Variants in SSMEM1 observed in about 807,000 individuals in gnomAD.
SSMEM1 encodes the protein serine-rich single-pass membrane protein 1.
A neutral mutation model predicts 9.9 loss-of-function variants in SSMEM1; 12 were observed. The ratio of observed to expected loss-of-function variants is 1.21; its 90% CI spans 0.78 to 1.96. The LOEUF is 1.96. Ranked by LOEUF, SSMEM1 falls within the 30% of genes most tolerant of loss-of-function variation. The pLI, the probability that SSMEM1 is intolerant of heterozygous loss-of-function variation, is 0.00. For missense variants in SSMEM1, 259 were observed against 292.2 expected, an observed-to-expected ratio of 0.89 and a Z score of 0.83; for synonymous variants, 96 against 98.9, an observed-to-expected ratio of 0.97 and a Z score of 0.17.
In SSMEM1 at chr7:130,216,698, T is replaced by C. The variant is rs142086873; in HGVS notation, c.*228T>C. On this transcript the variant is annotated 3_prime_UTR_variant, in exon 3 of 3. Coordinates refer to ENST00000297819, the MANE Select transcript of SSMEM1 (RefSeq NM_145268.4). ...TGGAACACCAAAGATCTATATCTGCTATGATTTTTTTATTTGAAATAGCAC... is the reference window on the plus strand; with the variant it reads ...TGGAACACCAAAGATCTATATCTGCCATGATTTTTTTATTTGAAATAGCAC... 1.5e-5 allele frequency: 8 copies of C among 537,470 alleles called. No homozygotes were observed. The East Asian group carries it at 1.9e-4, about 13-fold the overall frequency. 33.3% of individuals were successfully genotyped at this position (537,470 alleles called of 1,614,324 possible).
At chr7:130,207,195 G>A (rs929039659), upstream of SSMEM1, among the ~76,000 whole-genome samples, 1 of 152,086 alleles carries the variant, frequency 6.6e-6, no homozygotes, top group Non-Finnish European at 1.5e-5. Flanking sequence ...TATGTATTAG[G>A]GCTGCCATAA....
chr7:130,215,424 A>G (rs1279485892), intron 2 of SSMEM1, among the ~76,000 whole-genome samples: 2 of 152,224 alleles, frequency 1.3e-5, no homozygotes, highest in Non-Finnish European at 2.9e-5. Context: ...TTAGGAAGTG[A>G]TGGGTTTTGA....
In SSMEM1 at chr7:130,216,401, G is replaced by A. The variant is rs552903592; in HGVS notation, c.666G>A (p.Pro222=). Residue 222 remains proline (P), a synonymous_variant, in exon 3 of 3, where the codon CCG becomes CCA. Coordinates refer to ENST00000297819, the MANE Select transcript of SSMEM1 (RefSeq NM_145268.4). ...HHSRQKPSVT[P]PMKRDSQEES... is the part of the protein sequence containing the mutation. ...CCCGACAGAAGCCTTCAGTAACACCGCCAATGAAAAGAGACAGTCAAGAGG... is the reference window on the plus strand; with the variant it reads ...CCCGACAGAAGCCTTCAGTAACACCACCAATGAAAAGAGACAGTCAAGAGG... The A allele has an allele frequency of 1.1e-5, 17 of 1,614,134 alleles. No homozygotes were observed. Among genetic ancestry groups the A allele is most frequent in the African/African-American group, 5.3e-5 (4 of 75,036 alleles).
At chr7:130,213,253 C>CA (rs1440099665) in intron 1 of SSMEM1, among the ~76,000 whole-genome samples, 1 of 152,024 alleles carries the variant, frequency 6.6e-6, no homozygotes, top group East Asian at 1.9e-4. Context: ...GAGGCCGAGG[C>CA]AGGAGAATCA....
At chr7:130,215,279 G>A (rs1798682686) in intron 2 of SSMEM1, among the ~76,000 whole-genome samples, 1 of 152,072 alleles carries the variant, frequency 6.6e-6, no homozygotes, top group South Asian at 2.1e-4. Context: ...ACTCTAGCCT[G>A]GGCAACAGAG....
rs546520948 is a variant in SSMEM1 at position 130,211,467 on chromosome 7, G to T, written c.184-2013G>T. Among the ~76,000 whole-genome samples the T allele has an allele frequency of 3.4e-3, 518 of 152,184 alleles. 2 individuals are homozygous for T. Among genetic ancestry groups the T allele is most frequent in the Middle Eastern group, 0.01 (3 of 294 alleles). On this transcript the variant is annotated intron_variant, in intron 1 of 2. Coordinates refer to ENST00000297819, the MANE Select transcript of SSMEM1 (RefSeq NM_145268.4). Reference sequence around the variant, plus strand: ...AGCCACCGTGTCTGGCCAGAAAGTGGTATCTTAAAAGTGAACTCCGCTTTC... The same window carrying T: ...AGCCACCGTGTCTGGCCAGAAAGTGTTATCTTAAAAGTGAACTCCGCTTTC...
rs1408358468 is a variant in SSMEM1 at position 130,216,447 on chromosome 7, A to G, written c.712A>G (p.Asn238Asp). 6.2e-7 allele frequency: 1 copy of G among 1,609,288 alleles called. No individual in the cohort carries two copies. The highest frequency in any genetic ancestry group is 1.1e-5 in the South Asian group (1 of 90,830). Residue 238 changes from asparagine (N) to aspartate (D), a missense_variant, in exon 3 of 3, where the codon AAC (asparagine) becomes GAC (aspartate). Asn to Asp is a conservative substitution (Grantham distance 23, BLOSUM62 1). Transcript: ENST00000297819. ...AGAGGAAAGTTCCATATCTGACATT[A>G]ACAAGAAATTTAGTAAATTTTGAAT... ...SQEESSISDI[N>D]KKFSKF
chr7:130,214,494 A>G (rs998696359), intron 2 of SSMEM1, among the ~76,000 whole-genome samples: 2 of 152,186 alleles, frequency 1.3e-5, no homozygotes, highest in African/African-American at 4.8e-5. Context: ...AATACTCCTT[A>G]TGGCCAATTT....
chr7:130,213,833 A>T (rs994743613), intron 2 of SSMEM1, among the ~76,000 whole-genome samples: 1 of 152,216 alleles, frequency 6.6e-6, no homozygotes, highest in Non-Finnish European at 1.5e-5. Context: ...GACTTTGCAC[A>T]CTAGAGGAGG....
chr7:130,208,799 T>C (rs1562905265), intron 1 of SSMEM1, among the ~76,000 whole-genome samples: 1 of 152,110 alleles, frequency 6.6e-6, no homozygotes, highest in Non-Finnish European at 1.5e-5. Context: ...TGCCATCGTC[T>C]TAAGAATGAG....
upstream of SSMEM1, among the ~76,000 whole-genome samples, chr7:130,205,872 C>G (rs1286632783): frequency 6.6e-6 from 1 of 151,908 alleles, no homozygotes; most frequent in Non-Finnish European, 1.5e-5. Context: ...GACAGGGTTT[C>G]GCCATGTTGG....
chr7:130,206,928 G>T (rs758702926), upstream of SSMEM1: 4 of 207,990 alleles, frequency 1.9e-5, no homozygotes, highest in Non-Finnish European at 4.1e-5. Context: ...CGAGGTTGCG[G>T]TGAGCCAAGA....
In SSMEM1 at chr7:130,216,336, T is replaced by C. The variant is rs1798707671; in HGVS notation, c.601T>C (p.Cys201Arg). 1.2e-6 allele frequency: 2 copies of C among 1,614,192 alleles called. No homozygotes were observed. The highest frequency in any genetic ancestry group is 1.1e-5 in the South Asian group (1 of 91,088). ...AATGAGCGAAAGGCACTGCCTCCAC[T>C]GCAAAGCCTTGAGAACCAACGAATG... is the stretch of plus-strand genomic sequence containing the variant. Reference protein sequence around the residue: ...YQMSERHCLHCKALRTNEWLA... With the variant: ...YQMSERHCLHRKALRTNEWLA... The change falls in exon 3 of 3, where the codon TGC becomes CGC. Residue 201 changes from cysteine (C) to arginine (R), a missense_variant. Physicochemically the swap from Cys to Arg is radical, Grantham distance 180. Coordinates refer to ENST00000297819, the MANE Select transcript of SSMEM1 (RefSeq NM_145268.4).
intron 2 of SSMEM1, among the ~76,000 whole-genome samples, 174 bp from the exon 3 acceptor site, chr7:130,215,800 G>A (rs1368170853): frequency 6.6e-6 from 1 of 152,204 alleles, no homozygotes; most frequent in Non-Finnish European, 1.5e-5. Flanking sequence ...CAGGAGTTGG[G>A]ATATGGTACT....
intron 2 of SSMEM1, among the ~76,000 whole-genome samples, 158 bp downstream of exon 2, chr7:130,213,692 C>CAAAAAAAAAAAAAA (rs1179465068): frequency 2.5e-5 from 2 of 79,806 alleles, no homozygotes; most frequent in Non-Finnish European, 4.7e-5. Context: ...GACCCAGTAC[C>CAAAAAAAAAAAAAA]AAAAAAAAAA....
intron 1 of SSMEM1, among the ~76,000 whole-genome samples, 171 bp downstream of exon 1, chr7:130,208,264 A>G (rs1297380671): frequency 1.3e-5 from 2 of 152,214 alleles, no homozygotes; most frequent in Non-Finnish European, 1.5e-5. Context: ...ATGAAGAGGA[A>G]AATATAAAGC....
chr7:130,211,501 T>C (rs1798591360), intron 1 of SSMEM1, among the ~76,000 whole-genome samples: 1 of 152,148 alleles, frequency 6.6e-6, no homozygotes, highest in African/African-American at 2.4e-5. Context: ...TCAAGATTTT[T>C]GGAGAATGAT....
chr7:130,208,865 C>CT (rs766884325), intron 1 of SSMEM1, among the ~76,000 whole-genome samples: 281 of 146,868 alleles, frequency 1.9e-3, no homozygotes, highest in Middle Eastern at 3.5e-3. Flanking sequence ...TAACCAAGCT[C>CT]TTTTTTTTTT....
At position 130,213,482 on chromosome 7, in the gene SSMEM1, GT is replaced by G. The variant is rs1186776035; in HGVS notation, c.187del (p.Ser63LeufsTer15). On this transcript the variant is annotated frameshift_variant, in exon 2 of 3. Transcript: ENST00000297819. LOFTEE classifies it high-confidence loss of function. ...MFFSRASVWM[S>X]EDKKDEGSGT... ...ACTAACCTATGTTTCTGAAACAGAT[GT>G]CTGAGGATAAAAAGGATGAAGGCAG... 1 of 1,609,984 alleles carries G rather than the reference GT, an allele frequency of 6.2e-7. No homozygotes were observed. The highest frequency in any genetic ancestry group is 8.5e-7 in the Non-Finnish European group (1 of 1,177,484).
Sources: gnomAD v4.1 joint callset for allele counts (sites outside exome capture counted in the v4.1 genomes callset) on GRCh38, gnomAD v4.1.1 for gene constraint, MANE v1.5 for transcripts, NCBI Gene and HGNC (gene_info 2026-07-23, HGNC 2026-07-21) for gene names.